DIP2C: variants seen among roughly 807,000 people sequenced by gnomAD.
The protein encoded by DIP2C is DIP2 acetate--CoA ligase C (putative), also known as disco-interacting protein 2 homolog C.
DIP2C carries 33 observed loss-of-function variants against 192.4 expected under a neutral mutation model. The ratio of observed to expected loss-of-function variants is 0.17; its 90% confidence interval spans 0.13 to 0.23. DIP2C has a LOEUF of 0.23. Ranked by LOEUF, DIP2C falls within the 10% of genes least tolerant of loss-of-function variation. The pLI, the probability that DIP2C is intolerant of heterozygous loss-of-function variation, is 1.00. For missense variants in DIP2C, 1,537 were observed against 2,110.1 expected (o/e 0.73, Z 5.32); for synonymous variants, 979 against 864.1 (o/e 1.13, Z -2.33).
intron 4 of DIP2C, among the ~76,000 whole-genome samples, chr10:428,179 C>T (rs1432957827): frequency 6.6e-6 from 1 of 152,046 alleles, no homozygotes; most frequent in Non-Finnish European, 1.5e-5. Flanking sequence ...ATTCTAAGAT[C>T]ATAAAAAACT....
At chr10:455,326 G>GGAGTAAATGAGATGAAAAC (rs1969203836) in intron 3 of DIP2C, among the ~76,000 whole-genome samples, 2 of 144,134 alleles carry the variant, frequency 1.4e-5, no homozygotes, top group Non-Finnish European at 1.6e-5. Flanking sequence ...CCTGAGGGGA[G>GGAGTAAATGAGATGAAAAC]ACCGTGAGGA....
intron 1 of DIP2C, among the ~76,000 whole-genome samples, chr10:565,136 A>ACCC (rs1244581596): frequency 1.3e-5 from 2 of 152,056 alleles, no homozygotes; most frequent in African/African-American, 2.4e-5. Flanking sequence ...AGCCTGGACC[A>ACCC]CCCCTAGTCA....
intron 31 of DIP2C, among the ~76,000 whole-genome samples, chr10:325,329 A>G (rs949061523): frequency 6.6e-6 from 1 of 152,208 alleles, no homozygotes; most frequent in Non-Finnish European, 1.5e-5. Flanking sequence ...GAAAAAGTAA[A>G]GAGGAAAATA....
chr10:495,653 T>C (rs1266045489), intron 1 of DIP2C, among the ~76,000 whole-genome samples: 1 of 151,922 alleles, frequency 6.6e-6, no homozygotes, highest in African/African-American at 2.4e-5. Flanking sequence ...GATCCCAAAG[T>C]CTGTGATGCT....
chr10:446,034 T>C (rs546349108), intron 3 of DIP2C, among the ~76,000 whole-genome samples: 2 of 152,008 alleles, frequency 1.3e-5, no homozygotes, highest in African/African-American at 4.8e-5. Context: ...TGGACATCTG[T>C]ATACATCTGT....
Position 337,668 on chromosome 10 carries a change from C to T in DIP2C, c.3584+3531G>A, listed in dbSNP as rs374042344. On this transcript the variant is annotated intron_variant, in intron 29 of 36. Transcript: ENST00000280886. ...GGAGGCGTAGGCCGGTGTGTGTACGCGTGTGTGTTGTGGAGGCCTAGGCAG... is the reference window on the plus strand; with the variant it reads ...GGAGGCGTAGGCCGGTGTGTGTACGTGTGTGTGTTGTGGAGGCCTAGGCAG... Among the ~76,000 whole-genome samples the T allele has an allele frequency of 2.0e-3, 198 of 97,548 alleles. 3 individuals are homozygous for T. The Middle Eastern group carries it at 0.042, about 21-fold the overall frequency. 64.0% of individuals were successfully genotyped at this position (97,548 alleles called of 152,430 possible).
chr10:555,611 C>T (rs1291515435), intron 1 of DIP2C, among the ~76,000 whole-genome samples: 2 of 152,152 alleles, frequency 1.3e-5, no homozygotes, highest in Non-Finnish European at 2.9e-5. Flanking sequence ...CCTGTTGAGC[C>T]GTGTCTCTCA....
At chr10:350,125 C>T (rs1312853786) in intron 24 of DIP2C, among the ~76,000 whole-genome samples, 2 of 152,060 alleles carry the variant, frequency 1.3e-5, no homozygotes, top group African/African-American at 4.8e-5. Context: ...TCTCTGTCTC[C>T]CAGGCTGGAG....
rs148775278 is a variant in DIP2C, at chr10:341,320, C to T, written c.3463G>A (p.Ala1155Thr). 1.6e-5 allele frequency: 26 copies of T among 1,613,858 alleles called. No individual in the cohort carries two copies. Among genetic ancestry groups the T allele is most frequent in the African/African-American group, 5.3e-5 (4 of 75,000 alleles). ...GMLAGVKMSH[A>T]ATSAFCRSIK... ...GAACGGCAGAAGGCACTGGTGGCTG[C>T]GTGAGACATCTGCAAAATACAAGGC... The change falls in exon 29 of 37, where the codon GCA becomes ACA. Residue 1155 changes from alanine (A) to threonine (T), a missense_variant. Coordinates refer to ENST00000280886, the MANE Select transcript of DIP2C (RefSeq NM_014974.3).
Position 344,911 on chromosome 10 carries a change from CA to C in DIP2C, c.3350del (p.Leu1117CysfsTer31). 6.2e-7 allele frequency: 1 copy of C among 1,606,456 alleles called. No individual in the cohort carries two copies. The highest frequency in any genetic ancestry group is 8.5e-7 in the Non-Finnish European group (1 of 1,177,376). On this transcript the variant is annotated frameshift_variant, in exon 28 of 37. Coordinates refer to ENST00000280886, the MANE Select transcript of DIP2C (RefSeq NM_014974.3). LOFTEE classifies it high-confidence loss of function. ...TWPLILDTDDLPKKRPAQICK... is the reference protein window; with the variant it reads ...TWPLILDTDDXPKKRPAQICK... The stretch of plus-strand genomic sequence containing the variant: ...AGATCTGGGCAGGCCGCTTCTTTGG[CA>C]AATCATCTGGAGAGGAACATGACTA...
At chr10:542,205 C>A (rs973278471) in intron 1 of DIP2C, among the ~76,000 whole-genome samples, 2 of 152,230 alleles carry the variant, frequency 1.3e-5, no homozygotes, top group Non-Finnish European at 2.9e-5. Context: ...TCCTTCTGCT[C>A]CCTGCCTGCC....
intron 1 of DIP2C, among the ~76,000 whole-genome samples, chr10:539,224 ATTCTTAAATATTTATTTTGCTTC>A (rs1468957881): frequency 6.6e-6 from 1 of 152,164 alleles, no homozygotes. Flanking sequence ...GCTGTATTCG[ATTCTTAAATATTTATTTTGCTTC>A]TAGAGTTTGT....
intron 1 of DIP2C, among the ~76,000 whole-genome samples, chr10:600,165 A>G (rs1190903515): frequency 6.6e-6 from 1 of 152,202 alleles, no homozygotes; most frequent in East Asian, 1.9e-4. Flanking sequence ...AATCGTGGAA[A>G]TAAGAGGGAA....
intron 31 of DIP2C, chr10:324,855 C>A: frequency 2.0e-6 from 1 of 495,428 alleles, no homozygotes; most frequent in Admixed American, 2.2e-5. Context: ...CACGCCAACT[C>A]TGTTCTTCAT....
At chr10:425,690 G>C (rs940147308) in intron 4 of DIP2C, among the ~76,000 whole-genome samples, 1 of 152,232 alleles carries the variant, frequency 6.6e-6, no homozygotes, top group Non-Finnish European at 1.5e-5. Flanking sequence ...GACCAGCGGT[G>C]ACTAGAAGTA....
intron 1 of DIP2C, chr10:650,973 A>C: frequency 1.4e-6 from 1 of 717,344 alleles, no homozygotes; most frequent in Non-Finnish European, 2.6e-6. Flanking sequence ...CAAAGCCGGC[A>C]CTGCCCTCTC....
At chr10:341,443 C>A (rs1958142096) in intron 28 of DIP2C, 114 bp from the exon 29 acceptor site, 1 of 1,464,964 alleles carries the variant, frequency 6.8e-7, no homozygotes, top group Non-Finnish European at 9.4e-7. Flanking sequence ...ACCTGACACC[C>A]TCAGACACCC....
In DIP2C at chr10:596,531, TAA is replaced by T. The variant is rs1055591581; in HGVS notation, c.85+92961_85+92962del. ...AAAAAAAAAAAAAAAAAAAAAGTATTAAGTTTTCCTTCCAATGAACCTATCAT... is the reference window on the plus strand; with the variant it reads ...AAAAAAAAAAAAAAAAAAAAAGTATTGTTTTCCTTCCAATGAACCTATCAT... On this transcript the variant is annotated intron_variant, in intron 1 of 36. Coordinates refer to ENST00000280886, the MANE Select transcript of DIP2C (RefSeq NM_014974.3). 2.9e-5 allele frequency among the ~76,000 whole-genome samples: 4 copies of T among 137,332 alleles called. No homozygotes were observed. The Admixed American group carries it at 3.0e-4, about 10-fold the overall frequency. The allele number at this position is 137,332 out of a possible 152,430, so 90.1% of individuals were successfully genotyped here.
chr10:639,994 C>A (rs1373748938), intron 1 of DIP2C, among the ~76,000 whole-genome samples: 2 of 151,578 alleles, frequency 1.3e-5, no homozygotes, highest in Non-Finnish European at 2.9e-5. Flanking sequence ...CGCCTGTGGG[C>A]CTGTGCATGT....
Sources: gnomAD v4.1 joint callset for allele counts (sites outside exome capture counted in the v4.1 genomes callset) on GRCh38, gnomAD v4.1.1 for gene constraint, MANE v1.5 for transcripts, NCBI Gene and HGNC (gene_info 2026-07-23, HGNC 2026-07-21) for gene names.